Variants in MPP4 observed in about 807,000 individuals in gnomAD.
The protein encoded by MPP4 is MAGUK p55 scaffold protein 4.
Under a neutral mutation model 98.3 loss-of-function variants are expected in MPP4, and 91 were observed. That is an observed-to-expected ratio of 0.93 (90% confidence interval 0.78 to 1.10). MPP4 has a LOEUF of 1.10. Ranked by LOEUF, MPP4 falls within the 50% of genes least tolerant of loss-of-function variation. MPP4 has a pLI of 0.00. For missense variants in MPP4, 744 were observed against 792.9 expected (o/e 0.94, Z 0.74); for synonymous variants, 261 against 271.8 (o/e 0.96, Z 0.39).
At chr2:201,673,159 A>G (rs1688391918) in intron 11 of MPP4, among the ~76,000 whole-genome samples, 1 of 152,198 alleles carries the variant, frequency 6.6e-6, no homozygotes, top group Non-Finnish European at 1.5e-5. Context: ...CTTTGATAAA[A>G]TTCAACACCC....
chr2:201,690,989 G>A (rs1689000954), intron 3 of MPP4, among the ~76,000 whole-genome samples: 1 of 152,080 alleles, frequency 6.6e-6, no homozygotes, highest in Non-Finnish European at 1.5e-5. Flanking sequence ...GAAGAAATAA[G>A]GCCCAAGGGG....
intron 18 of MPP4, 45 bp downstream of exon 18, chr2:201,654,792 G>A (rs1187608024): frequency 1.0e-5 from 15 of 1,448,440 alleles, no homozygotes; most frequent in South Asian, 3.8e-5. Context: ...AGCAAAGAAA[G>A]TTTTACCAAA....
rs1006576882 is a variant in MPP4, at chr2:201,694,055, C to T, written c.-100-1G>A. ...CCACTGGCCACCAGCTCTCAGCACACTGGAATATATTTTCAATAGCATTTC... is the reference window on the plus strand; with the variant it reads ...CCACTGGCCACCAGCTCTCAGCACATTGGAATATATTTTCAATAGCATTTC... On this transcript the variant is annotated splice_acceptor_variant, in intron 1 of 21. Transcript: ENST00000409474. LOFTEE classifies it low-confidence loss of function (5UTR_SPLICE). The T allele has an allele frequency of 1.8e-5, 29 of 1,607,658 alleles. No homozygotes were observed. Among genetic ancestry groups the T allele is most frequent in the Non-Finnish European group, 2.2e-5 (26 of 1,176,868 alleles).
Position 201,683,479 on chromosome 2 carries a change from C to T in MPP4, c.575-563G>A, listed in dbSNP as rs116237968. On this transcript the variant is annotated intron_variant, in intron 7 of 21. Coordinates refer to ENST00000409474, the MANE Select transcript of MPP4 (RefSeq NM_033066.3). Reference sequence around the variant, plus strand: ...TAAAACTGAGGAGGGCCAGGCATGGCGGCTAATGCCTATAATCCTAGCACT... The same window carrying T: ...TAAAACTGAGGAGGGCCAGGCATGGTGGCTAATGCCTATAATCCTAGCACT... Among the ~76,000 whole-genome samples, 1,182 of 152,110 alleles carry T rather than the reference C, an allele frequency of 7.8e-3. 17 individuals are homozygous for T. The highest frequency in any genetic ancestry group is 0.027 in the African/African-American group (1,134 of 41,502).
intron 19 of MPP4, 54 bp from the exon 20 acceptor site, chr2:201,649,738 A>G (rs1234845067): frequency 1.2e-5 from 14 of 1,215,264 alleles, no homozygotes; most frequent in Non-Finnish European, 1.6e-5. Context: ...AAATATTATT[A>G]GTAGTAACAT....
At chr2:201,669,876 T>C (rs1035795851) in intron 11 of MPP4, 126 bp from the exon 12 acceptor site, 1 of 672,094 alleles carries the variant, frequency 1.5e-6, no homozygotes, top group Non-Finnish European at 2.2e-6. Flanking sequence ...GTATTCTGGG[T>C]TTATTCTCTA....
intron 5 of MPP4, 33 bp downstream of exon 5, chr2:201,687,257 TG>T: frequency 6.6e-7 from 1 of 1,526,080 alleles, no homozygotes; most frequent in Non-Finnish European, 8.9e-7. Context: ...ATGTGCCAGA[TG>T]GGGACATCTT....
chr2:201,650,672 A>G, intron 18 of MPP4: 1 of 985,400 alleles, frequency 1.0e-6, no homozygotes, highest in Non-Finnish European at 1.2e-6. Flanking sequence ...TTGAAATTAG[A>G]ACCTACGTGT....
At chr2:201,669,440 C>T (rs185828365) in intron 12 of MPP4, among the ~76,000 whole-genome samples, 39 of 152,230 alleles carry the variant, frequency 2.6e-4, no homozygotes, top group South Asian at 1.0e-3. Context: ...TCTTGCCATA[C>T]GCTATGTTAA....
chr2:201,682,720 A>G (rs1688699550), intron 8 of MPP4, 111 bp downstream of exon 8: 9 of 858,790 alleles, frequency 1.0e-5, no homozygotes, highest in Non-Finnish European at 1.7e-5. Context: ...AAAGCTGCCA[A>G]GAGAACTTGA....
chr2:201,662,083 C>CT (rs1234697428), intron 14 of MPP4: 3 of 381,432 alleles, frequency 7.9e-6, no homozygotes, highest in Non-Finnish European at 1.5e-5. Context: ...TCAATGCTTT[C>CT]TTTTTTTATA....
intron 14 of MPP4, among the ~76,000 whole-genome samples, chr2:201,662,451 A>G (rs1013546436): frequency 6.8e-6 from 1 of 146,862 alleles, no homozygotes; most frequent in African/African-American, 2.5e-5. Flanking sequence ...CAGTGAGCCC[A>G]GATCACACCA....
intron 10 of MPP4, among the ~76,000 whole-genome samples, chr2:201,679,285 C>T (rs1340926092): frequency 6.6e-6 from 1 of 152,100 alleles, no homozygotes; most frequent in Non-Finnish European, 1.5e-5. Context: ...TAATCTGGAC[C>T]CGCACCCCAG....
At chr2:201,653,213 A>G (rs1687764537) in intron 18 of MPP4, among the ~76,000 whole-genome samples, 1 of 152,146 alleles carries the variant, frequency 6.6e-6, no homozygotes, top group African/African-American at 2.4e-5. Flanking sequence ...TACTTCCCAA[A>G]TTATAGCCAT....
At chr2:201,658,975 A>G (rs1687936882) in intron 15 of MPP4, among the ~76,000 whole-genome samples, 1 of 152,076 alleles carries the variant, frequency 6.6e-6, no homozygotes, top group South Asian at 2.1e-4. Flanking sequence ...CGGCCACTGC[A>G]ACCTCCACCT....
intron 14 of MPP4, among the ~76,000 whole-genome samples, chr2:201,663,819 C>T: frequency 6.6e-6 from 1 of 152,082 alleles, no homozygotes; most frequent in African/African-American, 2.4e-5. Context: ...GAATTCGAGG[C>T]TGCAATGAGC....
At chr2:201,686,140 C>A in intron 5 of MPP4, 90 bp from the exon 6 acceptor site, 1 of 1,452,910 alleles carries the variant, frequency 6.9e-7, no homozygotes, top group Admixed American at 2.0e-5. Context: ...TAAGACACAG[C>A]AACAACAACA....
chr2:201,698,209 G>T (rs999280077), intron 1 of MPP4: 6 of 527,864 alleles, frequency 1.1e-5, no homozygotes, highest in Middle Eastern at 8.2e-4. Flanking sequence ...CCCTTACTAT[G>T]CTTGTTTTTC....
chr2:201,650,096 A>G lies in MPP4; in HGVS notation c.1451T>C (p.Phe484Ser). The G allele has an allele frequency of 6.3e-7, 1 of 1,578,166 alleles. No homozygotes were observed. The highest frequency in any genetic ancestry group is 8.6e-7 in the Non-Finnish European group (1 of 1,159,716). Residue 484 changes from phenylalanine (F) to serine (S), a missense_variant, in exon 19 of 22, where the codon TTT (phenylalanine) becomes TCT (serine). Physicochemically the swap from Phe to Ser is radical, Grantham distance 155 (BLOSUM62 -2). Coordinates refer to ENST00000409474, the MANE Select transcript of MPP4 (RefSeq NM_033066.3). ...CCTGTGACTATATATGAGGTTTTCA[A>G]ATGTTTCCTTGGACACATAGTGATA... ...REYHYVSKET[F>S]ENLIYSHRML...
Sources: allele counts gnomAD v4.1 joint callset (sites outside exome capture counted in the v4.1 genomes callset), GRCh38; gene constraint gnomAD v4.1.1; transcripts MANE v1.5; gene names NCBI Gene and HGNC (gene_info 2026-07-23, HGNC 2026-07-21).